The following LGSN variants were observed in gnomAD, a reference collection of about 807,000 sequenced individuals.
LGSN encodes the protein lengsin, lens protein with glutamine synthetase domain.
A neutral mutation model predicts 19.5 loss-of-function variants in LGSN; 21 were observed. The observed-to-expected ratio is 1.07, with a 90% confidence interval of 0.76 to 1.55. The LOEUF is 1.55. Among genes scored for constraint, LGSN ranks in the 40% most tolerant of loss-of-function variants. The pLI is 0.00. For synonymous variants in LGSN, 257 were observed against 215.6 expected (o/e 1.19, Z -1.68); for missense variants, 673 against 608.5 (o/e 1.11, Z -1.12).
At chr6:63,468,578 C>A in the LGSN span, among the ~76,000 whole-genome samples, 2 of 144,532 alleles carry the variant, frequency 1.4e-5, no homozygotes, top group African/African-American at 5.2e-5. Flanking sequence ...CAGGTGCGTG[C>A]CACCACACCT....
chr6:63,536,396 T>C, the LGSN span, among the ~76,000 whole-genome samples: 1 of 152,194 alleles, frequency 6.6e-6, no homozygotes, highest in African/African-American at 2.4e-5. Context: ...GGTCATTTTA[T>C]CCCTCTGCTT....
chr6:63,461,061 C>T, the LGSN span, among the ~76,000 whole-genome samples: 1 of 152,152 alleles, frequency 6.6e-6, no homozygotes, highest in Non-Finnish European at 1.5e-5. Flanking sequence ...GTCTCTGCTG[C>T]TGGGTTTTTT....
the LGSN span, among the ~76,000 whole-genome samples, chr6:63,526,803 G>GTATATATA: frequency 0.021 from 2,141 of 101,268 alleles, 30 homozygotes; most frequent in Middle Eastern, 0.039. Context: ...TCTCAAAAAT[G>GTATATATA]TATATATATA....
intron 1 of LGSN, among the ~76,000 whole-genome samples, chr6:63,298,445 A>G (rs1158177185): frequency 6.6e-6 from 1 of 152,222 alleles, no homozygotes; most frequent in Non-Finnish European, 1.5e-5. Context: ...GTAAATGGCA[A>G]TACTGCAGAA....
At chr6:63,412,747 G>T in the LGSN span, among the ~76,000 whole-genome samples, 3 of 68,006 alleles carry the variant, frequency 4.4e-5, no homozygotes, top group Non-Finnish European at 7.4e-5. Context: ...AAGAAAGAAA[G>T]AAAGAAAGAA....
chr6:63,497,434 C>A, the LGSN span, among the ~76,000 whole-genome samples: 81,223 of 151,860 alleles, frequency 0.53, 23,586 homozygotes, highest in African/African-American at 0.77. Context: ...CTGTAATCCC[C>A]GCTATTCAGG....
the LGSN span, among the ~76,000 whole-genome samples, chr6:63,425,491 T>C: frequency 6.6e-6 from 1 of 152,232 alleles, no homozygotes; most frequent in Non-Finnish European, 1.5e-5. Flanking sequence ...AATCTCCAGA[T>C]AATACTACTT....
At chr6:63,501,821 G>A in the LGSN span, among the ~76,000 whole-genome samples, 1 of 152,086 alleles carries the variant, frequency 6.6e-6, no homozygotes, top group Non-Finnish European at 1.5e-5. Flanking sequence ...TATAGAGATG[G>A]GGTCTCATTC....
the LGSN span, among the ~76,000 whole-genome samples, chr6:63,423,698 T>C: frequency 6.7e-6 from 1 of 148,220 alleles, no homozygotes; most frequent in South Asian, 2.2e-4. Flanking sequence ...TAATCCCAAA[T>C]GTGCATATAT....
At chr6:63,288,266 T>C (rs1000247054) in intron 2 of LGSN, among the ~76,000 whole-genome samples, 10 of 119,166 alleles carry the variant, frequency 8.4e-5, no homozygotes, top group African/African-American at 2.7e-4. Context: ...AATAAATAAA[T>C]AAATAATAAT....
the LGSN span, among the ~76,000 whole-genome samples, chr6:63,548,049 A>T: frequency 1.3e-5 from 2 of 152,090 alleles, no homozygotes; most frequent in South Asian, 4.1e-4. Context: ...TTTTCTGCCC[A>T]CATCCCCCAT....
the LGSN span, among the ~76,000 whole-genome samples, chr6:63,525,091 T>A: frequency 6.6e-6 from 1 of 152,228 alleles, no homozygotes; most frequent in Admixed American, 6.5e-5. Flanking sequence ...GAAGATGTCC[T>A]GCATCAAATT....
the LGSN span, among the ~76,000 whole-genome samples, chr6:63,340,615 C>CT: frequency 0.034 from 4,509 of 132,562 alleles, 246 homozygotes; most frequent in African/African-American, 0.12. Flanking sequence ...TTCTGTTTGG[C>CT]TTTTTTTTTT....
chr6:63,443,759 C>T, the LGSN span, among the ~76,000 whole-genome samples: 1 of 152,104 alleles, frequency 6.6e-6, no homozygotes, highest in Admixed American at 6.6e-5. Context: ...TCAGGGTTTC[C>T]TGGTGGAATG....
chr6:63,372,860 G>A, the LGSN span, among the ~76,000 whole-genome samples: 5 of 152,062 alleles, frequency 3.3e-5, no homozygotes, highest in African/African-American at 1.2e-4. Context: ...AAGTTCTTTT[G>A]TACTTAATTA....
the LGSN span, among the ~76,000 whole-genome samples, chr6:63,353,588 C>CAA: frequency 0.011 from 795 of 74,050 alleles, 3 homozygotes; most frequent in African/African-American, 0.018. Context: ...CAGTTTGTAG[C>CAA]AAAAAAAAAA....
At chr6:63,514,413 A>G in the LGSN span, among the ~76,000 whole-genome samples, 2 of 152,170 alleles carry the variant, frequency 1.3e-5, no homozygotes, top group Non-Finnish European at 2.9e-5. Context: ...TTTTTAGTGG[A>G]GATGGGGTTT....
At chr6:63,555,769 C>T in the LGSN span, among the ~76,000 whole-genome samples, 107 of 151,312 alleles carry the variant, frequency 7.1e-4, no homozygotes, top group Middle Eastern at 3.4e-3. Context: ...TCCCGGCTCA[C>T]TGCAACTTCT....
At chr6:63,546,425 G>C in the LGSN span, among the ~76,000 whole-genome samples, 1 of 152,220 alleles carries the variant, frequency 6.6e-6, no homozygotes, top group Non-Finnish European at 1.5e-5. Context: ...ACAACATTTG[G>C]CCGGGTGCGG....
Sources: allele counts gnomAD v4.1 joint callset (sites outside exome capture counted in the v4.1 genomes callset), GRCh38; gene constraint gnomAD v4.1.1; transcripts MANE v1.5; gene names NCBI Gene and HGNC (gene_info 2026-07-23, HGNC 2026-07-21).